Variants in ZAN observed in about 807,000 individuals in gnomAD.
The protein encoded by ZAN is zonadhesin (gene/pseudogene).
ZAN carries 260 observed loss-of-function variants against 286.2 expected under a neutral mutation model. The ratio of observed to expected loss-of-function variants is 0.91; its 90% CI spans 0.82 to 1.01. The LOEUF (loss-of-function observed/expected upper bound fraction) is 1.01, where lower values mean the gene tolerates loss of function less well. ZAN is among the 50% of genes least tolerant of loss of function. ZAN has a pLI of 0.00. For missense variants in ZAN, 3,410 were observed against 3,639.2 expected (o/e 0.94, Z 1.62); for synonymous variants, 1,368 against 1,417.5 (o/e 0.97, Z 0.79).
intron 26 of ZAN, 127 bp downstream of exon 26, chr7:100,768,138 T>C (rs2116064027): frequency 2.4e-6 from 3 of 1,243,914 alleles, no homozygotes; most frequent in African/African-American, 1.5e-5. Flanking sequence ...GTTGAGGACA[T>C]TAGGCATGAA....
chr7:100,744,026 T>C (rs1808005644), intron 7 of ZAN, among the ~76,000 whole-genome samples: 1 of 150,594 alleles, frequency 6.6e-6, no homozygotes, highest in African/African-American at 2.5e-5. Context: ...CTATATCTCT[T>C]TGTTCTTCTT....
Position 100,735,678 on chromosome 7 carries a change from T to C in ZAN, c.54-42T>C, listed in dbSNP as rs773197448. On this transcript the variant is annotated intron_variant, in intron 2 of 47. Coordinates refer to ENST00000613979, the MANE Select transcript of ZAN (RefSeq NM_003386.3). ...CACTGAATCTTATAATTCTTGATAA[T>C]GACACGAGTTGCATTTTTGCTTTCT... 7.2e-6 allele frequency: 10 copies of C among 1,380,542 alleles called. 3 individuals carry two copies. Among genetic ancestry groups the C allele is most frequent in the Non-Finnish European group, 1.0e-5 (10 of 992,280 alleles). The allele number at this position is 1,380,542 out of a possible 1,614,324, so 85.5% of individuals were successfully genotyped here.
At position 100,751,945 on chromosome 7, in the gene ZAN, A is replaced by G. The variant is rs377563769; in HGVS notation, c.1840A>G (p.Met614Val). Residue 614 changes from methionine (M) to valine (V), a missense_variant, in exon 14 of 48, where the codon ATG becomes GTG. Around this residue, in one of 7 missense-constraint regions of ZAN, gnomAD observed 872 missense variants for 938.9 expected, o/e 0.93. Coordinates refer to ENST00000613979, the MANE Select transcript of ZAN (RefSeq NM_003386.3). The part of the protein sequence containing the change: ...KPTIPSEKPN[M>V]PSEKPTIPSE... ...CACCATTCCTTCAGAAAAACCCAAC[A>G]TGCCCTCAGAAAAACCCACCATTCC... The G allele has an allele frequency of 9.3e-6, 15 of 1,612,902 alleles. No individual in the cohort carries two copies. The highest frequency in any genetic ancestry group is 1.2e-5 in the Non-Finnish European group (14 of 1,179,644).
intron 34 of ZAN, among the ~76,000 whole-genome samples, chr7:100,777,447 G>A (rs113748373): frequency 2.6e-5 from 4 of 151,742 alleles, no homozygotes; most frequent in Non-Finnish European, 4.4e-5. Flanking sequence ...CTCTGCTTCC[G>A]GGGTTCAAGC....
chr7:100,793,735 G>T, intron 42 of ZAN, 85 bp from the exon 43 acceptor site: 1 of 1,434,638 alleles, frequency 7.0e-7, no homozygotes, highest in Non-Finnish European at 9.4e-7. Context: ...ACTGTGCCCA[G>T]CCTACTCTGA....
At chr7:100,792,824 T>A (rs895598734) in intron 42 of ZAN, among the ~76,000 whole-genome samples, 1 of 151,324 alleles carries the variant, frequency 6.6e-6, no homozygotes, top group Admixed American at 6.6e-5. Context: ...TTGCAGACCC[T>A]GGATGGGCTG....
intron 7 of ZAN, among the ~76,000 whole-genome samples, chr7:100,742,259 T>C (rs1186444362): frequency 8.9e-6 from 1 of 112,866 alleles, no homozygotes; most frequent in African/African-American, 3.5e-5. Flanking sequence ...TCCCCACATC[T>C]CAGACGATGG....
Position 100,771,840 on chromosome 7 carries a change from G to C in ZAN, c.5249-4G>C. On this transcript the variant is annotated splice_polypyrimidine_tract_variant and splice_region_variant and intron_variant, in intron 28 of 47. Transcript: ENST00000613979. The stretch of plus-strand genomic sequence containing the variant: ...TGGCTCATCTGCCTTCTCTCTTCCT[G>C]CAGGACCCTTCTCTCAATGTCACCA... 1.2e-6 allele frequency: 2 copies of C among 1,609,114 alleles called. No individual in the cohort carries two copies. The highest frequency in any genetic ancestry group is 8.5e-7 in the Non-Finnish European group (1 of 1,177,030).
chr7:100,797,648 A>G, intron 47 of ZAN, 25 bp downstream of exon 47: 1 of 1,613,978 alleles, frequency 6.2e-7, no homozygotes, highest in Non-Finnish European at 8.5e-7. Context: ...CACAGCCCGG[A>G]ACCTCGGGGC....
At chr7:100,778,442 G>GA (rs56157872) in intron 34 of ZAN, among the ~76,000 whole-genome samples, 53,409 of 133,044 alleles carry the variant, frequency 0.4, 11,274 homozygotes, top group East Asian at 0.88. Flanking sequence ...CATCTCTACA[G>GA]AAAAAAAAAA....
In ZAN at chr7:100,780,257, C is replaced by T. The variant is rs1029725061; in HGVS notation, c.6622+507C>T. On this transcript the variant is annotated intron_variant, in intron 35 of 47. Coordinates refer to ENST00000613979, the MANE Select transcript of ZAN (RefSeq NM_003386.3). ...TTGTGCAACCATCACTACTATATAACGCCAGAAACTTTTACAATTTAAAAC... is the reference window on the plus strand; with the variant it reads ...TTGTGCAACCATCACTACTATATAATGCCAGAAACTTTTACAATTTAAAAC... Among the ~76,000 whole-genome samples, 11 of 150,730 alleles carry T rather than the reference C, an allele frequency of 7.3e-5. No homozygotes were observed. The South Asian group carries it at 1.9e-3, about 26-fold the overall frequency.
rs1440494208 is a variant in ZAN, at chr7:100,790,522, G to A, written c.7358-420G>A. 3.5e-4 allele frequency among the ~76,000 whole-genome samples: 50 copies of A among 143,268 alleles called. No homozygotes were observed. In the East Asian group the frequency reaches 3.8e-3, roughly 11 times the overall value. 94.0% of individuals were successfully genotyped at this position (143,268 alleles called of 152,430 possible). ...GCTTGCAGTGAGCGGAGATCACACC[G>A]CTGCACTCCAGCCTGGGCAACGGAG... On this transcript the variant is annotated intron_variant, in intron 39 of 47. Coordinates refer to ENST00000613979, the MANE Select transcript of ZAN (RefSeq NM_003386.3).
rs765718817 is a variant in ZAN, at chr7:100,759,862, C to T, written c.3696+17C>T. The T allele has an allele frequency of 6.2e-7, 1 of 1,609,672 alleles. No homozygotes were observed. The highest frequency in any genetic ancestry group is 1.1e-5 in the South Asian group (1 of 90,374). On this transcript the variant is annotated intron_variant, in intron 18 of 47. Coordinates refer to ENST00000613979, the MANE Select transcript of ZAN (RefSeq NM_003386.3). ...CGCACTCTGGTGAGCCCCATTCCACCCCCACCATCCTTGCAGGGTCTGACT... is the reference window on the plus strand; with the variant it reads ...CGCACTCTGGTGAGCCCCATTCCACTCCCACCATCCTTGCAGGGTCTGACT...
intron 15 of ZAN, among the ~76,000 whole-genome samples, chr7:100,755,663 C>T (rs1272492934): frequency 3.9e-5 from 6 of 152,146 alleles, no homozygotes; most frequent in African/African-American, 9.7e-5. Flanking sequence ...CCTCCACTTC[C>T]CGGGCTCCAG....
Position 100,737,945 on chromosome 7 carries a change from A to AATTTATTTATTT in ZAN, c.614-499_614-488dup, listed in dbSNP as rs544558816. Among the ~76,000 whole-genome samples, 23 of 137,934 alleles carry AATTTATTTATTT rather than the reference A, an allele frequency of 1.7e-4. 1 individual carries two copies. Among genetic ancestry groups the AATTTATTTATTT allele is most frequent in the African/African-American group, 5.8e-4 (22 of 37,626 alleles). 90.5% of individuals were successfully genotyped at this position (137,934 alleles called of 152,430 possible). The stretch of plus-strand genomic sequence containing the variant: ...AAGGAGACCCCCATCTCTACAAAAG[A>AATTTATTTATTT]ATTTATTTATTTATTTATTTATTTA... On this transcript the variant is annotated intron_variant, in intron 6 of 47. Transcript: ENST00000613979.
intron 26 of ZAN, 115 bp from the exon 27 acceptor site, chr7:100,768,495 A>G (rs1810158202): frequency 1.2e-6 from 1 of 857,472 alleles, no homozygotes; most frequent in African/African-American, 1.7e-5. Flanking sequence ...AAGAGACAGA[A>G]AGGGTTAACC....
rs762829367 is a variant in ZAN at position 100,762,229 on chromosome 7, A to G, written c.3857A>G (p.Lys1286Arg). 9 of 1,613,106 alleles carry G rather than the reference A, an allele frequency of 5.6e-6. No homozygotes were observed. The South Asian group carries it at 9.9e-5, about 18-fold the overall frequency. Residue 1286 changes from lysine (K) to arginine (R), a missense_variant, in exon 20 of 48, where the codon AAA becomes AGA. Physicochemically the swap from Lys to Arg is conservative, Grantham distance 26. This residue lies in a region of ZAN where 1,042 missense variants were observed against 1,058.0 expected (regional missense o/e 0.98). Transcript: ENST00000613979. ...TGTTCCCCTAGCACATACTCTGGCA[A>G]ACTCTGTGGTTTGTGTGGGAACTAT... Reference protein sequence around the residue: ...YVTVSSTYSGKLCGLCGNYDG... With the variant: ...YVTVSSTYSGRLCGLCGNYDG...
intron 39 of ZAN, 82 bp from the exon 40 acceptor site, chr7:100,790,855 CCTGGG>C: frequency 1.4e-6 from 2 of 1,399,630 alleles, no homozygotes; most frequent in Non-Finnish European, 1.9e-6. Context: ...TGCACTCCAG[CCTGGG>C]CAACAGAGCA....
intron 7 of ZAN, among the ~76,000 whole-genome samples, chr7:100,743,760 C>G (rs192603114): frequency 6.6e-6 from 1 of 151,284 alleles, no homozygotes; most frequent in Admixed American, 6.6e-5. Context: ...ACCTGTAGTC[C>G]CAGATACTCG....
Sources: gnomAD v4.1 joint callset for allele counts (sites outside exome capture counted in the v4.1 genomes callset) on GRCh38, gnomAD v4.1.1 for gene constraint, gnomAD v4.1.1 regional missense constraint, MANE v1.5 for transcripts, NCBI Gene and HGNC (gene_info 2026-07-23, HGNC 2026-07-21) for gene names.